Variants in KAT6A observed in about 807,000 individuals in gnomAD.
KAT6A encodes lysine acetyltransferase 6A.
A neutral mutation model predicts 198.4 loss-of-function variants in KAT6A; 9 were observed. The ratio of observed to expected loss-of-function variants is 0.05; its 90% confidence interval spans 0.03 to 0.08. The LOEUF (loss-of-function observed/expected upper bound fraction) is 0.08. Among genes scored for constraint, KAT6A ranks in the 10% least tolerant of loss-of-function variants. The pLI is 1.00. For synonymous variants in KAT6A, 890 were observed against 883.0 expected (o/e 1.01, Z -0.14); for missense variants, 2,077 against 2,509.9 (o/e 0.83, Z 3.69).
At chr8:41,968,060 A>C (rs1474817745) in intron 8 of KAT6A, among the ~76,000 whole-genome samples, 1 of 152,024 alleles carries the variant, frequency 6.6e-6, no homozygotes, top group Non-Finnish European at 1.5e-5. Flanking sequence ...GGACATAGGC[A>C]TGGGCAAGGA....
At chr8:42,006,624 A>G (rs1344902202) in intron 2 of KAT6A, among the ~76,000 whole-genome samples, 1 of 152,188 alleles carries the variant, frequency 6.6e-6, no homozygotes, top group Admixed American at 6.5e-5. Flanking sequence ...AGACTTTGGA[A>G]CTTTTTGGAT....
intron 2 of KAT6A, among the ~76,000 whole-genome samples, chr8:42,039,283 A>G (rs1827524762): frequency 6.6e-6 from 1 of 152,196 alleles, no homozygotes; most frequent in Non-Finnish European, 1.5e-5. Context: ...CATAAATCAG[A>G]GCATGAAAAG....
chr8:41,940,938 G>A lies in KAT6A; in HGVS notation c.2943C>T (p.Leu981=), dbSNP rs760485321. 20 of 1,614,182 alleles carry A rather than the reference G, an allele frequency of 1.2e-5. No homozygotes were observed. The highest frequency in any genetic ancestry group is 1.6e-5 in the Non-Finnish European group (19 of 1,180,034). Residue 981 remains leucine, a synonymous_variant, in exon 15 of 17, where the codon CTC becomes CTT. Transcript: ENST00000265713. ...RRYSEGDRAV[L]RGFSESSEEE... is the part of the protein sequence containing the mutation. ...CCTCGCTGCTCTCACTGAAGCCCCT[G>A]AGGACAGCCCTGTCACCCTCACTGT...
At chr8:41,964,778 CA>C (rs1450550315) in intron 8 of KAT6A, among the ~76,000 whole-genome samples, 1 of 152,004 alleles carries the variant, frequency 6.6e-6, no homozygotes, top group Non-Finnish European at 1.5e-5. Context: ...AAGAGATTAA[CA>C]ACAATAACTA....
At chr8:42,009,924 AC>A (rs869192165) in intron 2 of KAT6A, among the ~76,000 whole-genome samples, 32 of 149,106 alleles carry the variant, frequency 2.1e-4, no homozygotes, top group African/African-American at 4.8e-4. Context: ...ACAAAAAAAA[AC>A]AAAACCACAA....
intron 2 of KAT6A, among the ~76,000 whole-genome samples, chr8:42,013,599 C>T (rs1826125643): frequency 2.0e-5 from 3 of 152,184 alleles, no homozygotes; most frequent in Admixed American, 6.5e-5. Flanking sequence ...CTGTATTCAT[C>T]AGCATTTAAA....
rs568615187 is a variant in KAT6A at position 41,930,408 on chromosome 8, C to T, written c.*1797G>A. ...CCTTGCACATGCTCAGAGCTGAGAG[C>T]GGGAAGATGTGGAATTCTGCGTTTC... is the stretch of plus-strand genomic sequence containing the variant. On this transcript the variant is annotated 3_prime_UTR_variant, in exon 17 of 17. Transcript: ENST00000265713. 30 of 224,688 alleles carry T rather than the reference C, an allele frequency of 1.3e-4. No homozygotes were observed. Among genetic ancestry groups the T allele is most frequent in the African/African-American group, 6.3e-4 (28 of 44,670 alleles). 13.9% of individuals were successfully genotyped at this position (224,688 alleles called of 1,614,324 possible).
In KAT6A at chr8:41,930,129, TAAAG is replaced by T. The variant is rs1451422919; in HGVS notation, c.*2072_*2075del. ...GGGAGCTGCCCGATTGAATTTTTTA[TAAAG>T]AAACAAACAAAACCAAACACAACCG... On this transcript the variant is annotated 3_prime_UTR_variant, in exon 17 of 17. Coordinates refer to ENST00000265713, the MANE Select transcript of KAT6A (RefSeq NM_006766.5). The T allele has an allele frequency of 4.3e-6, 1 of 232,282 alleles. No individual in the cohort carries two copies. Among genetic ancestry groups the T allele is most frequent in the Non-Finnish European group, 8.5e-6 (1 of 117,580 alleles). The allele number at this position is 232,282 out of a possible 1,614,324, so 14.4% of individuals were successfully genotyped here.
At chr8:42,013,917 T>G (rs1311220788) in intron 2 of KAT6A, among the ~76,000 whole-genome samples, 1 of 152,132 alleles carries the variant, frequency 6.6e-6, no homozygotes, top group African/African-American at 2.4e-5. Flanking sequence ...GTAAATATAT[T>G]CAGTTCTGAG....
chr8:41,947,631 C>T, intron 11 of KAT6A, 120 bp downstream of exon 11: 1 of 754,836 alleles, frequency 1.3e-6, no homozygotes, highest in Non-Finnish European at 2.1e-6. Context: ...TCTATTCTTT[C>T]CAAACAGCTA....
At chr8:41,967,244 C>CAA (rs1367896755) in intron 8 of KAT6A, among the ~76,000 whole-genome samples, 1 of 139,958 alleles carries the variant, frequency 7.1e-6, no homozygotes, top group East Asian at 2.0e-4. Flanking sequence ...GAACTGAATA[C>CAA]AAACGCGTCT....
In KAT6A at chr8:42,023,676, G is replaced by A. The variant is rs561524470; in HGVS notation, c.600+24702C>T. Reference sequence around the variant, plus strand: ...CTAATTTTTGTATTTTTGTAAAGACGGGGTTTTGTCATGTTGCCCAAGTTG... The same window carrying A: ...CTAATTTTTGTATTTTTGTAAAGACAGGGTTTTGTCATGTTGCCCAAGTTG... On this transcript the variant is annotated intron_variant, in intron 2 of 16. Transcript: ENST00000265713. Among the ~76,000 whole-genome samples the A allele has an allele frequency of 4.6e-5, 7 of 151,684 alleles. No individual in the cohort carries two copies. In the South Asian group the frequency reaches 1.5e-3, roughly 32 times the overall value.
chr8:41,970,798 A>T (rs1027225790), intron 8 of KAT6A, among the ~76,000 whole-genome samples: 1 of 152,254 alleles, frequency 6.6e-6, no homozygotes, highest in African/African-American at 2.4e-5. Context: ...CACTATTCAC[A>T]ATAGCAAAGA....
At chr8:42,047,659 T>C (rs988011712) in intron 2 of KAT6A, among the ~76,000 whole-genome samples, 5 of 152,092 alleles carry the variant, frequency 3.3e-5, no homozygotes, top group Non-Finnish European at 7.4e-5. Flanking sequence ...CATCCTCCTG[T>C]CCCAGCCTCC....
At chr8:41,973,539 G>T (rs573902068) in intron 8 of KAT6A, among the ~76,000 whole-genome samples, 1 of 152,154 alleles carries the variant, frequency 6.6e-6, no homozygotes, top group Admixed American at 6.5e-5. Flanking sequence ...TTCTTTTCAA[G>T]ATAAAAGAGA....
chr8:42,015,802 T>C (rs1370759603), intron 2 of KAT6A, among the ~76,000 whole-genome samples: 1 of 152,226 alleles, frequency 6.6e-6, no homozygotes, highest in East Asian at 1.9e-4. Context: ...AATTTATCTA[T>C]TCCTACTGCA....
intron 2 of KAT6A, among the ~76,000 whole-genome samples, chr8:42,013,308 T>C (rs1369315859): frequency 6.6e-6 from 1 of 150,624 alleles, no homozygotes; most frequent in African/African-American, 2.4e-5. Flanking sequence ...CAGGCTGGAG[T>C]GCAGTGGCGC....
intron 9 of KAT6A, among the ~76,000 whole-genome samples, chr8:41,952,539 T>C (rs913973445): frequency 6.6e-5 from 10 of 152,222 alleles, no homozygotes; most frequent in South Asian, 2.1e-4. Context: ...TAATAGGCAA[T>C]GCATACACAA....
chr8:42,013,965 C>T (rs556673613), intron 2 of KAT6A, among the ~76,000 whole-genome samples: 15 of 152,264 alleles, frequency 9.9e-5, no homozygotes, highest in African/African-American at 3.4e-4. Flanking sequence ...AAGTCTGCCG[C>T]GGTACCGTGA....
Sources: allele counts gnomAD v4.1 joint callset (sites outside exome capture counted in the v4.1 genomes callset), GRCh38; gene constraint gnomAD v4.1.1; transcripts MANE v1.5; gene names NCBI Gene and HGNC (gene_info 2026-07-23, HGNC 2026-07-21).